The following SLC24A3 variants were observed in gnomAD, a reference collection of about 807,000 sequenced individuals.
SLC24A3 encodes solute carrier family 24 member 3, also known as sodium/potassium/calcium exchanger 3.
A neutral mutation model predicts 75.8 loss-of-function variants in SLC24A3; 28 were observed. The observed-to-expected ratio is 0.37, with a 90% CI of 0.27 to 0.51. SLC24A3 has a LOEUF of 0.51. SLC24A3 is among the 20% of genes least tolerant of loss of function. SLC24A3 has a pLI of 0.94. For missense variants in SLC24A3, 663 were observed against 847.8 expected (o/e 0.78, Z 2.71); for synonymous variants, 372 against 334.1 (o/e 1.11, Z -1.24).
chr20:19,485,036 A>G (rs2122523395), intron 2 of SLC24A3, among the ~76,000 whole-genome samples: 1 of 152,334 alleles, frequency 6.6e-6, no homozygotes, highest in South Asian at 2.1e-4. Flanking sequence ...TGTTGGCAAT[A>G]GCATGGGACT....
chr20:19,720,534 CT>C (rs2033093443), intron 16 of SLC24A3, among the ~76,000 whole-genome samples: 1 of 95,984 alleles, frequency 1.0e-5, no homozygotes, highest in Non-Finnish European at 2.1e-5. Context: ...CCATGATTTG[CT>C]GTGGGGAGGG....
intron 2 of SLC24A3, among the ~76,000 whole-genome samples, chr20:19,441,702 A>G (rs1409419006): frequency 6.6e-6 from 1 of 152,156 alleles, no homozygotes; most frequent in Admixed American, 6.5e-5. Flanking sequence ...TTTATAGTTC[A>G]TATTAGGGTT....
At chr20:19,261,265 G>A (rs1568571659) in intron 1 of SLC24A3, among the ~76,000 whole-genome samples, 2 of 152,204 alleles carry the variant, frequency 1.3e-5, no homozygotes, top group South Asian at 4.1e-4. Flanking sequence ...GAGACATGAT[G>A]TGAGGTAATG....
At chr20:19,292,983 A>G (rs964728086) in intron 2 of SLC24A3, among the ~76,000 whole-genome samples, 3 of 152,032 alleles carry the variant, frequency 2.0e-5, no homozygotes, top group Non-Finnish European at 4.4e-5. Flanking sequence ...CATCTTCCCA[A>G]AGGTCTTACC....
chr20:19,393,900 C>A (rs1396199070), intron 2 of SLC24A3, among the ~76,000 whole-genome samples: 2 of 152,044 alleles, frequency 1.3e-5, no homozygotes, highest in Admixed American at 6.5e-5. Flanking sequence ...CCCCAAATAG[C>A]CAAAACAATC....
chr20:19,261,954 T>A (rs1472387290), intron 1 of SLC24A3: 2 of 152,234 alleles, frequency 1.3e-5, no homozygotes, highest in Non-Finnish European at 2.9e-5. Flanking sequence ...AGTGTGGGTG[T>A]CAAGGCAGGT....
chr20:19,699,236 T>A (rs1325119312), intron 15 of SLC24A3, among the ~76,000 whole-genome samples: 1 of 152,234 alleles, frequency 6.6e-6, no homozygotes, highest in African/African-American at 2.4e-5. Flanking sequence ...CTTCACCTTA[T>A]TACAGGCTAA....
intron 4 of SLC24A3, among the ~76,000 whole-genome samples, chr20:19,583,415 G>T (rs115709138): frequency 1.3e-5 from 2 of 152,222 alleles, no homozygotes; most frequent in African/African-American, 4.8e-5. Context: ...CAGGCTGGGC[G>T]TTAGGAATTA....
At chr20:19,398,307 G>A (rs544035739) in intron 2 of SLC24A3, among the ~76,000 whole-genome samples, 12 of 152,234 alleles carry the variant, frequency 7.9e-5, no homozygotes, top group South Asian at 6.2e-4. Context: ...TCCAACACAT[G>A]AATATGGTAT....
chr20:19,449,655 T>C (rs1471473111), intron 2 of SLC24A3, among the ~76,000 whole-genome samples: 1 of 152,224 alleles, frequency 6.6e-6, no homozygotes. Context: ...GCAGATGAGA[T>C]GAATGAGAAC....
chr20:19,584,733 T>A (rs971510380), intron 4 of SLC24A3, among the ~76,000 whole-genome samples: 5 of 152,146 alleles, frequency 3.3e-5, no homozygotes, highest in Non-Finnish European at 5.9e-5. Flanking sequence ...AACCTGTCCC[T>A]TAAGGAGGAC....
intron 2 of SLC24A3, among the ~76,000 whole-genome samples, chr20:19,509,758 A>G (rs532056544): frequency 1.2e-3 from 184 of 152,190 alleles, no homozygotes; most frequent in Non-Finnish European, 1.1e-3. Context: ...TGCTGTGTGC[A>G]CTGCAGTGTA....
Position 19,416,224 on chromosome 20 carries a change from A to G in SLC24A3, c.272-99264A>G, listed in dbSNP as rs75101693. ...ATGGCAAATGGGGAAACCAAGGCAC[A>G]AAACACAACACAAAAACAAAAACAA... On this transcript the variant is annotated intron_variant, in intron 2 of 16. Coordinates refer to ENST00000328041, the MANE Select transcript of SLC24A3 (RefSeq NM_020689.4). Among the ~76,000 whole-genome samples the G allele has an allele frequency of 9.2e-3, 1,402 of 152,328 alleles. 17 individuals carry two copies. The highest frequency in any genetic ancestry group is 0.024 in the South Asian group (118 of 4,824).
intron 1 of SLC24A3, among the ~76,000 whole-genome samples, chr20:19,269,546 G>A (rs972896289): frequency 7.2e-5 from 11 of 152,234 alleles, no homozygotes; most frequent in African/African-American, 2.2e-4. Flanking sequence ...AATTGTGGGT[G>A]CACCTGTTGC....
At chr20:19,557,015 G>T (rs1190068228) in intron 3 of SLC24A3, among the ~76,000 whole-genome samples, 1 of 152,152 alleles carries the variant, frequency 6.6e-6, no homozygotes, top group African/African-American at 2.4e-5. Context: ...GGTTCTCTGG[G>T]CTTGTCCACA....
intron 2 of SLC24A3, among the ~76,000 whole-genome samples, chr20:19,450,646 T>G (rs1816473708): frequency 6.6e-6 from 1 of 152,230 alleles, no homozygotes; most frequent in Non-Finnish European, 1.5e-5. Flanking sequence ...TGCCCCCTTA[T>G]GATGATCACA....
chr20:19,321,890 G>T lies in SLC24A3; in HGVS notation c.271+40803G>T, dbSNP rs73902310. Among the ~76,000 whole-genome samples the T allele has an allele frequency of 2.5e-3, 378 of 152,190 alleles. 3 individuals carry two copies. The highest frequency in any genetic ancestry group is 8.9e-3 in the African/African-American group (371 of 41,518). ...CACATTGCATTTTAGAAAATCTCCT[G>T]CCATTTTCTTTTTCTTCCAGCCACT... On this transcript the variant is annotated intron_variant, in intron 2 of 16. Transcript: ENST00000328041.
In SLC24A3 at chr20:19,564,852, T is replaced by C. The variant is rs183653508; in HGVS notation, c.349-15148T>C. On this transcript the variant is annotated intron_variant, in intron 3 of 16. Transcript: ENST00000328041. ...TGTAGGTATCAATTCTTCCAGATAA[T>C]CCTACCATATTATCTTCTCACTCTC... 5.6e-3 allele frequency among the ~76,000 whole-genome samples: 854 copies of C among 152,356 alleles called. 5 individuals are homozygous for C. The highest frequency in any genetic ancestry group is 0.031 in the Middle Eastern group (9 of 294).
chr20:19,398,833 T>C (rs1165461980), intron 2 of SLC24A3, among the ~76,000 whole-genome samples: 1 of 152,220 alleles, frequency 6.6e-6, no homozygotes, highest in African/African-American at 2.4e-5. Flanking sequence ...TCTGTCTTCA[T>C]AAAATAAGTT....
Sources: gnomAD v4.1 joint callset for allele counts (sites outside exome capture counted in the v4.1 genomes callset) on GRCh38, gnomAD v4.1.1 for gene constraint, MANE v1.5 for transcripts, NCBI Gene and HGNC (gene_info 2026-07-23, HGNC 2026-07-21) for gene names.